The following C12orf42 variants were observed in gnomAD, a reference collection of about 807,000 sequenced individuals.
C12orf42 encodes uncharacterized protein C12orf42.
C12orf42 carries 25 observed loss-of-function variants against 21.6 expected under a neutral mutation model. That is an observed-to-expected ratio of 1.16 (90% CI 0.84 to 1.62). The LOEUF is 1.62. Among genes scored for constraint, C12orf42 ranks in the 40% most tolerant of loss-of-function variants. The pLI is 0.00. For missense variants in C12orf42, 483 were observed against 459.3 expected, an observed-to-expected ratio of 1.05 and a Z score of -0.47; for synonymous variants, 174 against 175.0, an observed-to-expected ratio of 0.99 and a Z score of 0.05.
chr12:103,533,130 A>T, the C12orf42 span, among the ~76,000 whole-genome samples: 269 of 152,342 alleles, frequency 1.8e-3, 1 homozygote, highest in African/African-American at 6.1e-3. Flanking sequence ...TTTAGTCGAG[A>T]GCATTAACTT....
the C12orf42 span, among the ~76,000 whole-genome samples, chr12:103,058,224 G>A: frequency 1.3e-5 from 2 of 152,006 alleles, no homozygotes; most frequent in East Asian, 1.9e-4. Context: ...TGAAGTGCTG[G>A]GATTACAGGC....
the C12orf42 span, among the ~76,000 whole-genome samples, chr12:103,100,865 G>GAT: frequency 1.3e-5 from 2 of 152,142 alleles, no homozygotes; most frequent in African/African-American, 4.8e-5. Flanking sequence ...ACAAAAAAAA[G>GAT]ATATATAAGG....
chr12:103,160,041 G>A, the C12orf42 span, among the ~76,000 whole-genome samples: 125 of 152,318 alleles, frequency 8.2e-4, no homozygotes, highest in African/African-American at 2.9e-3. Context: ...GGGGTATTTA[G>A]CTCATTGTGT....
At chr12:103,402,168 G>GT (rs2048057086) in intron 2 of C12orf42, among the ~76,000 whole-genome samples, 2 of 152,294 alleles carry the variant, frequency 1.3e-5, no homozygotes, top group South Asian at 4.1e-4. Context: ...CTTATTTGGA[G>GT]TTGCTTGGCA....
the C12orf42 span, among the ~76,000 whole-genome samples, chr12:103,065,628 G>A: frequency 2.0e-5 from 3 of 152,324 alleles, no homozygotes; most frequent in East Asian, 5.8e-4. Flanking sequence ...TTAATGAGAC[G>A]TTTGTGTGCC....
chr12:103,263,111 T>C (rs1566002390), intron 10 of C12orf42, among the ~76,000 whole-genome samples: 1 of 151,966 alleles, frequency 6.6e-6, no homozygotes, highest in Non-Finnish European at 1.5e-5. Flanking sequence ...ATGAGATCAC[T>C]TGGACACGGT....
At chr12:103,055,681 T>A in the C12orf42 span, among the ~76,000 whole-genome samples, 1 of 152,038 alleles carries the variant, frequency 6.6e-6, no homozygotes, top group Non-Finnish European at 1.5e-5. Flanking sequence ...ATGTATGAAT[T>A]CAGTACCATT....
the C12orf42 span, among the ~76,000 whole-genome samples, chr12:103,147,242 C>T: frequency 3.9e-5 from 6 of 152,050 alleles, no homozygotes; most frequent in Non-Finnish European, 7.4e-5. Context: ...AATTAAGTCT[C>T]GAAGGAGGAA....
chr12:103,365,003 G>C (rs1031396382), intron 4 of C12orf42, among the ~76,000 whole-genome samples: 6 of 151,638 alleles, frequency 4.0e-5, no homozygotes, highest in African/African-American at 1.5e-4. Flanking sequence ...ACCCTAATAT[G>C]AAAACAAGGG....
At chr12:103,213,468 G>A in the C12orf42 span, among the ~76,000 whole-genome samples, 3 of 152,082 alleles carry the variant, frequency 2.0e-5, no homozygotes, top group African/African-American at 4.8e-5. Flanking sequence ...ATTAATTTGG[G>A]GATATGTGTT....
intron 4 of C12orf42, among the ~76,000 whole-genome samples, chr12:103,290,540 G>A (rs1219302940): frequency 6.6e-6 from 1 of 152,176 alleles, no homozygotes; most frequent in African/African-American, 2.4e-5. Context: ...AAAGAATTCA[G>A]CTTTAACCTA....
intron 5 of C12orf42, among the ~76,000 whole-genome samples, chr12:103,275,244 A>G (rs1237750053): frequency 2.6e-5 from 4 of 152,224 alleles, no homozygotes; most frequent in African/African-American, 9.6e-5. Flanking sequence ...AAAAGGAAAA[A>G]TAAAACAGGT....
At chr12:103,309,448 T>C (rs2136608844) in intron 4 of C12orf42, among the ~76,000 whole-genome samples, 1 of 152,326 alleles carries the variant, frequency 6.6e-6, no homozygotes, top group South Asian at 2.1e-4. Flanking sequence ...ATACAAAATA[T>C]ATGTTAATTG....
the C12orf42 span, among the ~76,000 whole-genome samples, chr12:103,197,300 G>T: frequency 1.3e-5 from 2 of 152,138 alleles, no homozygotes; most frequent in Non-Finnish European, 2.9e-5. Flanking sequence ...AGCCTGATAG[G>T]GTTCCCTTGG....
chr12:103,149,478 C>T, the C12orf42 span, among the ~76,000 whole-genome samples: 1 of 152,092 alleles, frequency 6.6e-6, no homozygotes, highest in Non-Finnish European at 1.5e-5. Context: ...CAAGAACTAA[C>T]CTAGTGATAT....
chr12:103,088,315 T>C, the C12orf42 span, among the ~76,000 whole-genome samples: 3 of 152,184 alleles, frequency 2.0e-5, no homozygotes, highest in Non-Finnish European at 4.4e-5. Context: ...TGAATTTTTG[T>C]TGAAAGGAGG....
intron 3 of C12orf42, among the ~76,000 whole-genome samples, chr12:103,393,190 G>C (rs1347833922): frequency 6.6e-6 from 1 of 152,156 alleles, no homozygotes; most frequent in East Asian, 1.9e-4. Context: ...GGCTCACAGG[G>C]ATCTGCAGGC....
At chr12:103,217,293 G>A in the C12orf42 span, among the ~76,000 whole-genome samples, 1 of 152,134 alleles carries the variant, frequency 6.6e-6, no homozygotes, top group Non-Finnish European at 1.5e-5. Context: ...GCCGAGGCGA[G>A]AGAATCACTT....
At chr12:103,394,707 G>A (rs2047367548) in intron 3 of C12orf42, among the ~76,000 whole-genome samples, 1 of 152,150 alleles carries the variant, frequency 6.6e-6, no homozygotes, top group South Asian at 2.1e-4. Context: ...GCACTGGAGG[G>A]GTGGCTTTAG....
Sources: allele counts gnomAD v4.1 joint callset (sites outside exome capture counted in the v4.1 genomes callset), GRCh38; gene constraint gnomAD v4.1.1; transcripts MANE v1.5; gene names NCBI Gene and HGNC (gene_info 2026-07-23, HGNC 2026-07-21).